AIMP1: variants seen among roughly 807,000 people sequenced by gnomAD.
AIMP1 encodes the protein aminoacyl tRNA synthetase complex interacting multifunctional protein 1.
In AIMP1, 24 loss-of-function variants were observed where a neutral mutation model predicts 33.1. That is an observed-to-expected ratio of 0.73 (90% CI 0.53 to 1.02). The LOEUF is 1.02. Among genes scored for constraint, AIMP1 ranks in the 50% least tolerant of loss-of-function variants. AIMP1 has a pLI of 0.00. For synonymous variants in AIMP1, 120 were observed against 121.5 expected (o/e 0.99, Z 0.08); for missense variants, 367 against 364.8 (o/e 1.01, Z -0.05).
chr4:106,323,685 T>G (rs559397195), intron 1 of AIMP1, among the ~76,000 whole-genome samples: 4 of 152,128 alleles, frequency 2.6e-5, no homozygotes, highest in African/African-American at 7.2e-5. Flanking sequence ...TGTCTTTTTA[T>G]TTTAGTCTAA....
rs1770363729 is a variant in AIMP1 at position 106,347,842 on chromosome 4, CATTG to C, written c.*155_*158del. The C allele has an allele frequency of 5.4e-6, 4 of 741,928 alleles. No individual in the cohort carries two copies. The highest frequency in any genetic ancestry group is 8.2e-6 in the Non-Finnish European group (4 of 485,238). 46.0% of individuals were successfully genotyped at this position (741,928 alleles called of 1,614,324 possible). ...TCATTTACTTGGTATATATTGTTTT[CATTG>C]ATTGGGGAAACACTAGATTTTTACC... On this transcript the variant is annotated 3_prime_UTR_variant, in exon 7 of 7. Coordinates refer to ENST00000672341, the MANE Select transcript of AIMP1 (RefSeq NM_001142416.2).
At chr4:106,338,719 G>T (rs1347399107) in intron 6 of AIMP1, among the ~76,000 whole-genome samples, 1 of 152,228 alleles carries the variant, frequency 6.6e-6, no homozygotes, top group Non-Finnish European at 1.5e-5. Flanking sequence ...GCACTGCCTA[G>T]TGGAGCTGTG....
intron 4 of AIMP1, among the ~76,000 whole-genome samples, chr4:106,330,373 A>AT (rs1348333118): frequency 1.3e-5 from 2 of 151,934 alleles, no homozygotes; most frequent in Admixed American, 1.3e-4. Context: ...TGTTGTACAT[A>AT]TTTTTCTGTA....
intron 2 of AIMP1, among the ~76,000 whole-genome samples, chr4:106,325,718 A>G (rs763012435): frequency 1.3e-5 from 2 of 151,994 alleles, no homozygotes; most frequent in Non-Finnish European, 2.9e-5. Flanking sequence ...TTGGTAGCCT[A>G]TACTGGTAGT....
chr4:106,338,729 G>A (rs930965652), intron 6 of AIMP1, among the ~76,000 whole-genome samples: 1 of 152,228 alleles, frequency 6.6e-6, no homozygotes, highest in African/African-American at 2.4e-5. Flanking sequence ...GTGGAGCTGT[G>A]AGAAGAGGGC....
At chr4:106,327,703 T>A in intron 3 of AIMP1, 139 bp downstream of exon 3, 1 of 647,962 alleles carries the variant, frequency 1.5e-6, no homozygotes, top group Non-Finnish European at 2.7e-6. Flanking sequence ...GATTTATCAA[T>A]AAAATGGGGG....
chr4:106,337,515 C>T (rs1030893338), intron 6 of AIMP1, among the ~76,000 whole-genome samples: 11 of 152,186 alleles, frequency 7.2e-5, no homozygotes, highest in Non-Finnish European at 1.2e-4. Flanking sequence ...CTGCCATGAT[C>T]GTGAGGCCTC....
At chr4:106,347,369 G>A (rs978981068) in intron 6 of AIMP1, among the ~76,000 whole-genome samples, 157 bp from the exon 7 acceptor site, 1 of 152,008 alleles carries the variant, frequency 6.6e-6, no homozygotes, top group Non-Finnish European at 1.5e-5. Flanking sequence ...ATAAACTGCT[G>A]ACATAATAAA....
chr4:106,347,434 A>G lies in AIMP1; in HGVS notation c.773-92A>G, dbSNP rs1421322831. 2.7e-5 allele frequency: 35 copies of G among 1,280,270 alleles called. No individual in the cohort carries two copies. The East Asian group carries it at 8.5e-4, about 31-fold the overall frequency. The allele number at this position is 1,280,270 out of a possible 1,614,324, so 79.3% of individuals were successfully genotyped here. A position where few individuals can be genotyped will look rare whatever the true frequency, so the allele number is the denominator to read the frequency against. On this transcript the variant is annotated intron_variant, in intron 6 of 6. Transcript: ENST00000672341. ...GTCCAAAAATCAGAAAATGTTGCCA[A>G]AACAATTCACTGGAAATCTCTGTGA...
chr4:106,333,979 G>C (rs1344324268), intron 5 of AIMP1, among the ~76,000 whole-genome samples: 10 of 152,134 alleles, frequency 6.6e-5, no homozygotes, highest in Non-Finnish European at 1.0e-4. Flanking sequence ...AAGAATCGAA[G>C]ACAGTAGCAG....
rs747057521 is a variant in AIMP1 at position 106,316,621 on chromosome 4, A to G, written c.-26+27A>G. The G allele has an allele frequency of 9.0e-6, 14 of 1,549,550 alleles. No individual in the cohort carries two copies. The South Asian group carries it at 1.7e-4, about 18-fold the overall frequency. On this transcript the variant is annotated intron_variant, in intron 1 of 6. Transcript: ENST00000672341. ...TGAGTGACGTCGTGGCGGGTCACTC[A>G]CTCGGGGATCGCCGATTGCGATCGT...
intron 6 of AIMP1, among the ~76,000 whole-genome samples, chr4:106,337,585 C>A (rs1467420770): frequency 6.6e-6 from 1 of 152,074 alleles, no homozygotes; most frequent in Admixed American, 6.5e-5. Context: ...TACCCAGCCT[C>A]GAGTATATCT....
chr4:106,316,826 A>G, intron 1 of AIMP1: 2 of 495,336 alleles, frequency 4.0e-6, no homozygotes, highest in East Asian at 3.1e-5. Context: ...AATGCTACAG[A>G]AAAATATCGA....
rs1269120188 is a variant in AIMP1, at chr4:106,349,344, C to T, written c.*1652C>T. On this transcript the variant is annotated 3_prime_UTR_variant, in exon 7 of 7. Transcript: ENST00000672341. ...ATTTTCCCAACTAAATGTTGAAATACTGTACCCCAGATCAAATTATCTAAT... is the reference window on the plus strand; with the variant it reads ...ATTTTCCCAACTAAATGTTGAAATATTGTACCCCAGATCAAATTATCTAAT... 6.6e-6 allele frequency: 1 copy of T among 151,774 alleles called. No homozygotes were observed. Among genetic ancestry groups the T allele is most frequent in the African/African-American group, 2.4e-5 (1 of 41,334 alleles). 9.4% of individuals were successfully genotyped at this position (151,774 alleles called of 1,614,324 possible).
rs921782116 is a variant in AIMP1 at position 106,348,473 on chromosome 4, A to T, written c.*781A>T. ...TTTAAAGATTATTTGGGTACCTAAT[A>T]AAGGATAATTTATATCTTATTACAG... On this transcript the variant is annotated 3_prime_UTR_variant, in exon 7 of 7. Coordinates refer to ENST00000672341, the MANE Select transcript of AIMP1 (RefSeq NM_001142416.2). 1 of 151,990 alleles carries T rather than the reference A, an allele frequency of 6.6e-6. No homozygotes were observed. Among genetic ancestry groups the T allele is most frequent in the African/African-American group, 2.4e-5 (1 of 41,394 alleles). 9.4% of individuals were successfully genotyped at this position (151,990 alleles called of 1,614,324 possible). A position where few individuals can be genotyped will look rare whatever the true frequency, so the allele number is the denominator to read the frequency against.
chr4:106,317,111 G>C (rs1465171493), intron 1 of AIMP1, among the ~76,000 whole-genome samples: 1 of 152,206 alleles, frequency 6.6e-6, no homozygotes, highest in Non-Finnish European at 1.5e-5. Context: ...GTCCTGAAGA[G>C]AAACGTAAAG....
Position 106,345,510 on chromosome 4 carries a change from A to AT in AIMP1, c.773-2008dup, listed in dbSNP as rs1482702896. ...ATATAATTGAACTTTATTTATGGTT[A>AT]TTTTTTTTCCATTCTATTTATTAGT... is the stretch of plus-strand genomic sequence containing the variant. On this transcript the variant is annotated intron_variant, in intron 6 of 6. Coordinates refer to ENST00000672341, the MANE Select transcript of AIMP1 (RefSeq NM_001142416.2). Among the ~76,000 whole-genome samples the AT allele has an allele frequency of 1.8e-4, 28 of 151,998 alleles. No individual in the cohort carries two copies. In the South Asian group the frequency reaches 5.2e-3, roughly 28 times the overall value.
At chr4:106,326,943 A>C (rs1228478839) in intron 2 of AIMP1, among the ~76,000 whole-genome samples, 1 of 152,002 alleles carries the variant, frequency 6.6e-6, no homozygotes, top group African/African-American at 2.4e-5. Flanking sequence ...ACCCCCAGCT[A>C]CTTTTTGTAT....
rs768333831 is a variant in AIMP1, at chr4:106,337,052, G to A, written c.772+15G>A. 1.1e-5 allele frequency: 18 copies of A among 1,608,742 alleles called. No individual in the cohort carries two copies. The South Asian group carries it at 1.4e-4, about 13-fold the overall frequency. On this transcript the variant is annotated intron_variant, in intron 6 of 6. Transcript: ENST00000672341. ...TGCTTTCCCAGGTAGGTATTTATTA[G>A]TAATTACTTAATAGTTTCGGAATCA...
Sources: allele counts gnomAD v4.1 joint callset (sites outside exome capture counted in the v4.1 genomes callset), GRCh38; gene constraint gnomAD v4.1.1; transcripts MANE v1.5; gene names NCBI Gene and HGNC (gene_info 2026-07-23, HGNC 2026-07-21).